Variants in ENAH observed in about 807,000 individuals in gnomAD.
The protein encoded by ENAH is ENAH actin regulator.
ENAH carries 23 observed loss-of-function variants against 78.7 expected under a neutral mutation model. The observed-to-expected ratio is 0.29, with a 90% CI of 0.21 to 0.41. ENAH has a LOEUF of 0.41. ENAH is among the 10% of genes least tolerant of loss of function. ENAH has a pLI of 1.00. For synonymous variants in ENAH, 226 were observed against 241.0 expected, an observed-to-expected ratio of 0.94 and a Z score of 0.58; for missense variants, 544 against 691.0, an observed-to-expected ratio of 0.79 and a Z score of 2.39.
intron 1 of ENAH, among the ~76,000 whole-genome samples, chr1:225,572,399 A>G (rs1231457673): frequency 6.6e-6 from 1 of 152,178 alleles, no homozygotes; most frequent in African/African-American, 2.4e-5. Flanking sequence ...GGGGACAAAC[A>G]TAACTTATTT....
intron 3 of ENAH, among the ~76,000 whole-genome samples, chr1:225,548,916 C>A (rs1361846262): frequency 6.7e-6 from 1 of 148,686 alleles, no homozygotes; most frequent in African/African-American, 2.5e-5. Flanking sequence ...GTGGCACGAT[C>A]TCAGCTCACT....
intron 1 of ENAH, among the ~76,000 whole-genome samples, chr1:225,599,055 T>C (rs1199170287): frequency 1.3e-5 from 2 of 152,176 alleles, no homozygotes; most frequent in Admixed American, 1.3e-4. Context: ...CTCCAGATGA[T>C]GGACTGAAAA....
chr1:225,523,746 T>C (rs1433224078), intron 4 of ENAH, among the ~76,000 whole-genome samples: 2 of 152,178 alleles, frequency 1.3e-5, no homozygotes, highest in East Asian at 3.9e-4. Context: ...TTGACTCTCA[T>C]GTTTTGACCT....
chr1:225,517,511 T>C (rs2096430633), intron 5 of ENAH: 4 of 1,551,392 alleles, frequency 2.6e-6, no homozygotes, highest in Non-Finnish European at 3.5e-6. Context: ...TTGGGTGCTG[T>C]CGGTGATGGA....
intron 1 of ENAH, among the ~76,000 whole-genome samples, chr1:225,576,131 G>T (rs2096786517): frequency 6.6e-6 from 1 of 152,012 alleles, no homozygotes; most frequent in Admixed American, 6.6e-5. Context: ...TTAAAAATCA[G>T]CTGGGCACAA....
chr1:225,581,511 AAT>A (rs1402386324), intron 1 of ENAH, among the ~76,000 whole-genome samples: 1 of 152,088 alleles, frequency 6.6e-6, no homozygotes, highest in East Asian at 1.9e-4. Flanking sequence ...TCAATGAATG[AAT>A]AGTGTCAGCA....
intron 3 of ENAH, among the ~76,000 whole-genome samples, chr1:225,538,550 C>CT (rs1436382009): frequency 6.6e-6 from 1 of 151,376 alleles, no homozygotes; most frequent in Non-Finnish European, 1.5e-5. Flanking sequence ...TCATAAACAT[C>CT]TTCCCCCCCG....
At chr1:225,534,223 A>G (rs2096551021) in intron 3 of ENAH, among the ~76,000 whole-genome samples, 1 of 152,108 alleles carries the variant, frequency 6.6e-6, no homozygotes, top group African/African-American at 2.4e-5. Flanking sequence ...AGGAGGAGGC[A>G]GAAAAATGAG....
In ENAH at chr1:225,547,078, G is replaced by GTT. The variant is rs397968121; in HGVS notation, c.349+7826_349+7827dup. Among the ~76,000 whole-genome samples the GTT allele has an allele frequency of 4.2e-3, 611 of 145,108 alleles. 5 individuals carry two copies. The highest frequency in any genetic ancestry group is 0.014 in the African/African-American group (577 of 40,076). ...TTGTTGTTGTTGTTGTTTTTGTTTT[G>GTT]TTTTTTTTTTTGAGACGGAGTCTCA... is the stretch of plus-strand genomic sequence containing the variant. On this transcript the variant is annotated intron_variant, in intron 3 of 13. Transcript: ENST00000366843.
At chr1:225,562,931 C>A (rs2096715735) in intron 2 of ENAH, among the ~76,000 whole-genome samples, 1 of 151,454 alleles carries the variant, frequency 6.6e-6, no homozygotes, top group South Asian at 2.1e-4. Context: ...TATGGTCACA[C>A]CACTGCATTC....
At chr1:225,609,663 T>C (rs2096977350) in intron 1 of ENAH, among the ~76,000 whole-genome samples, 1 of 126,582 alleles carries the variant, frequency 7.9e-6, no homozygotes, top group South Asian at 3.0e-4. Context: ...TGGATTTTTT[T>C]TTTTTTTTTT....
At chr1:225,523,785 A>G (rs574594067) in intron 4 of ENAH, among the ~76,000 whole-genome samples, 1 of 152,282 alleles carries the variant, frequency 6.6e-6, no homozygotes, top group Admixed American at 6.5e-5. Context: ...GTAGCTTTCT[A>G]GGAGGAGTTT....
intron 1 of ENAH, among the ~76,000 whole-genome samples, chr1:225,589,147 A>T (rs1333665257): frequency 6.6e-6 from 1 of 152,216 alleles, no homozygotes; most frequent in Non-Finnish European, 1.5e-5. Flanking sequence ...TATGGGCAGC[A>T]GGGGAGGCAA....
Position 225,608,777 on chromosome 1 carries a change from T to C in ENAH, c.6-41363A>G, listed in dbSNP as rs368310450. Among the ~76,000 whole-genome samples, 173 of 134,330 alleles carry C rather than the reference T, an allele frequency of 1.3e-3. 1 individual carries two copies. The highest frequency in any genetic ancestry group is 1.9e-3 in the South Asian group (8 of 4,224). The allele number at this position is 134,330 out of a possible 152,430, so 88.1% of individuals were successfully genotyped here. ...GTTGCAGTGAGCAGAGATCACACCA[T>C]TGCACTCCATCCTGGGCGACAGAGC... On this transcript the variant is annotated intron_variant, in intron 1 of 13. Transcript: ENST00000366843.
chr1:225,599,738 G>A (rs920925089), intron 1 of ENAH, among the ~76,000 whole-genome samples: 1 of 149,864 alleles, frequency 6.7e-6, no homozygotes, highest in Non-Finnish European at 1.5e-5. Flanking sequence ...AGAGGTTGCC[G>A]TGAGCCAAGA....
At chr1:225,522,894 A>T (rs1238836506) in intron 4 of ENAH, among the ~76,000 whole-genome samples, 1 of 151,654 alleles carries the variant, frequency 6.6e-6, no homozygotes, top group African/African-American at 2.4e-5. Flanking sequence ...CTAAGTTTTT[A>T]GATCTTTGAG....
At chr1:225,558,985 G>T (rs1332148099) in intron 2 of ENAH, among the ~76,000 whole-genome samples, 2 of 151,980 alleles carry the variant, frequency 1.3e-5, no homozygotes, top group Non-Finnish European at 2.9e-5. Context: ...ATTCTATATG[G>T]CTTTAATGGC....
At chr1:225,522,895 G>C (rs1471882577) in intron 4 of ENAH, among the ~76,000 whole-genome samples, 1 of 151,488 alleles carries the variant, frequency 6.6e-6, no homozygotes, top group Non-Finnish European at 1.5e-5. Flanking sequence ...TAAGTTTTTA[G>C]ATCTTTGAGC....
chr1:225,631,404 T>C (rs1006335188), intron 1 of ENAH, among the ~76,000 whole-genome samples: 1 of 150,386 alleles, frequency 6.6e-6, no homozygotes, highest in Non-Finnish European at 1.5e-5. Flanking sequence ...AAACTGTCTC[T>C]ACTATAAAAA....
Sources: allele counts gnomAD v4.1 joint callset (sites outside exome capture counted in the v4.1 genomes callset), GRCh38; gene constraint gnomAD v4.1.1; transcripts MANE v1.5; gene names NCBI Gene and HGNC (gene_info 2026-07-23, HGNC 2026-07-21).